Variants in CARD8 observed in about 807,000 individuals in gnomAD.
CARD8 encodes caspase recruitment domain family member 8, also known as caspase recruitment domain-containing protein 8.
CARD8 carries 38 observed loss-of-function variants against 53.2 expected under a neutral mutation model. The observed-to-expected ratio is 0.71, with a 90% CI of 0.55 to 0.94. CARD8 has a LOEUF of 0.94. Ranked by LOEUF, CARD8 falls within the 40% of genes least tolerant of loss-of-function variation. The pLI is 0.00. For synonymous variants in CARD8, 245 were observed against 244.9 expected (o/e 1.00, Z 0.00); for missense variants, 561 against 655.5 (o/e 0.86, Z 1.57).
At position 48,231,749 on chromosome 19, in the gene CARD8, C is replaced by G. The variant is rs1399109687; in HGVS notation, c.453G>C (p.Glu151Asp). 3.7e-6 allele frequency: 6 copies of G among 1,613,604 alleles called. No individual in the cohort carries two copies. The highest frequency in any genetic ancestry group is 5.1e-6 in the Non-Finnish European group (6 of 1,179,748). The change falls in exon 8 of 14, where the codon GAG (glutamate) becomes GAC (aspartate). Residue 151 changes from glutamate (E) to aspartate (D), a missense_variant. Transcript: ENST00000651546. ...GACGATTTTTATAATCTTCTTCGAT[C>G]TCAAAACAGACTTTAGAAGCATAAG... ...VSSYASKVCF[E>D]IEEDYKNRQF...
chr19:48,239,558 C>G lies in CARD8; in HGVS notation c.60-1026G>C, dbSNP rs529145455. ...TGGAGCGATCTTGGCTCACTGCAAC[C>G]TCCACCTCCCAGGTTCAAGCGATTC... is the stretch of plus-strand genomic sequence containing the variant. On this transcript the variant is annotated intron_variant, in intron 4 of 13. Transcript: ENST00000651546. Among the ~76,000 whole-genome samples, 6 of 150,700 alleles carry G rather than the reference C, an allele frequency of 4.0e-5. No homozygotes were observed. In the South Asian group the frequency reaches 1.3e-3, roughly 32 times the overall value.
chr19:48,245,305 G>A (rs930119431), intron 3 of CARD8, among the ~76,000 whole-genome samples: 3 of 152,158 alleles, frequency 2.0e-5, no homozygotes, highest in Non-Finnish European at 4.4e-5. Context: ...TGCATCCTGG[G>A]TTCAAGTGAT....
In CARD8 at chr19:48,238,376, C is replaced by T. The variant is rs2146538859; in HGVS notation, c.209+7G>A. ...TAATTTTTTCCCAACAAATAGATGT[C>T]CCTTACGTATCATTTGTCACACAGG... On this transcript the variant is annotated splice_region_variant and intron_variant, in intron 5 of 13. Coordinates refer to ENST00000651546, the MANE Select transcript of CARD8 (RefSeq NM_001184900.3). 1.3e-6 allele frequency: 2 copies of T among 1,535,560 alleles called. No homozygotes were observed. The highest frequency in any genetic ancestry group is 1.4e-5 in the African/African-American group (1 of 73,118).
At chr19:48,212,700 T>C (rs762913108) in intron 13 of CARD8, among the ~76,000 whole-genome samples, 18 of 152,204 alleles carry the variant, frequency 1.2e-4, no homozygotes, top group Non-Finnish European at 2.4e-4. Flanking sequence ...TTGCTCCACA[T>C]CCTAAACATT....
chr19:48,217,406 T>C (rs571519224), intron 12 of CARD8, among the ~76,000 whole-genome samples: 1 of 152,346 alleles, frequency 6.6e-6, no homozygotes, highest in South Asian at 2.1e-4. Context: ...AACTATGTCC[T>C]TCTTCCTGGG....
intron 5 of CARD8, 82 bp from the exon 6 acceptor site, chr19:48,234,625 G>A: frequency 3.1e-6 from 4 of 1,272,772 alleles, no homozygotes; most frequent in Non-Finnish European, 4.4e-6. Context: ...AAGATTTTAT[G>A]TTAATAGCCA....
chr19:48,222,848 T>C (rs1372367713), intron 10 of CARD8, among the ~76,000 whole-genome samples: 2 of 152,194 alleles, frequency 1.3e-5, no homozygotes, highest in Admixed American at 6.5e-5. Context: ...CTGTCAGTGA[T>C]ATTATTAGTC....
chr19:48,239,971 G>A (rs1413305579), intron 4 of CARD8, among the ~76,000 whole-genome samples: 3 of 152,128 alleles, frequency 2.0e-5, no homozygotes, highest in African/African-American at 7.2e-5. Context: ...GTTCCTTCAT[G>A]AGGGAACTAA....
At chr19:48,232,516 T>C in intron 6 of CARD8, 23 bp from the exon 7 acceptor site, 3 of 1,532,460 alleles carry the variant, frequency 2.0e-6, no homozygotes, top group Non-Finnish European at 2.6e-6. Context: ...ATCCCCATGT[T>C]ACAAAAAGAT....
chr19:48,248,897 T>C (rs546339889), intron 3 of CARD8, among the ~76,000 whole-genome samples: 6 of 152,226 alleles, frequency 3.9e-5, no homozygotes, highest in Non-Finnish European at 7.4e-5. Flanking sequence ...CATGGATAAA[T>C]ATTTAAAATG....
intron 7 of CARD8, 62 bp downstream of exon 7, chr19:48,232,391 A>G: frequency 7.0e-7 from 1 of 1,435,678 alleles, no homozygotes; most frequent in Non-Finnish European, 9.5e-7. Flanking sequence ...TCTTCACATA[A>G]AATCACAGAA....
chr19:48,243,350 A>G (rs916854993), intron 3 of CARD8, among the ~76,000 whole-genome samples: 5 of 152,182 alleles, frequency 3.3e-5, no homozygotes, highest in African/African-American at 4.8e-5. Flanking sequence ...CCAAAACCCT[A>G]TACAAATGTT....
chr19:48,246,742 A>G (rs1447286367), intron 3 of CARD8, among the ~76,000 whole-genome samples: 1 of 152,234 alleles, frequency 6.6e-6, no homozygotes, highest in Non-Finnish European at 1.5e-5. Flanking sequence ...AATGAAGATT[A>G]AAGCTACTCT....
At chr19:48,254,344 C>A (rs113726925) in intron 1 of CARD8, among the ~76,000 whole-genome samples, 1 of 152,234 alleles carries the variant, frequency 6.6e-6, no homozygotes, top group South Asian at 2.1e-4. Flanking sequence ...CACTTAGTGA[C>A]AAAAATTCTG....
intron 3 of CARD8, among the ~76,000 whole-genome samples, chr19:48,243,772 T>A (rs971600091): frequency 6.6e-6 from 1 of 152,180 alleles, no homozygotes; most frequent in East Asian, 1.9e-4. Context: ...GATCCCTTGA[T>A]CCCAGGAGAT....
At chr19:48,237,900 AT>A (rs1005467545) in intron 5 of CARD8, among the ~76,000 whole-genome samples, 6 of 151,430 alleles carry the variant, frequency 4.0e-5, no homozygotes, top group South Asian at 2.1e-4. Flanking sequence ...TATTGTTATT[AT>A]TTTTTTTGAG....
At chr19:48,234,747 GCTCT>G (rs2043561809) in intron 5 of CARD8, among the ~76,000 whole-genome samples, 1 of 152,052 alleles carries the variant, frequency 6.6e-6, no homozygotes, top group South Asian at 2.1e-4. Context: ...AATTTAACTG[GCTCT>G]CTGTTTCCCA....
intron 1 of CARD8, among the ~76,000 whole-genome samples, chr19:48,255,030 A>G (rs2147224316): frequency 6.6e-6 from 1 of 152,294 alleles, no homozygotes. Flanking sequence ...ACATAGTTTA[A>G]TACGGCATGT....
downstream of CARD8, among the ~76,000 whole-genome samples, chr19:48,207,126 C>CCACTG (rs2037380422): frequency 6.8e-6 from 1 of 146,214 alleles, no homozygotes; most frequent in South Asian, 2.2e-4. Flanking sequence ...CGAGATCACG[C>CCACTG]CACTGCACTC....
Sources: gnomAD v4.1 joint callset for allele counts (sites outside exome capture counted in the v4.1 genomes callset) on GRCh38, gnomAD v4.1.1 for gene constraint, MANE v1.5 for transcripts, NCBI Gene and HGNC (gene_info 2026-07-23, HGNC 2026-07-21) for gene names.